Variants in DUSP8 observed in about 807,000 individuals in gnomAD.
DUSP8 encodes dual specificity phosphatase 8, also known as dual specificity protein phosphatase 8.
Under a neutral mutation model 38.7 loss-of-function variants are expected in DUSP8, and 15 were observed. The observed-to-expected ratio is 0.39, with a 90% CI of 0.26 to 0.60. The LOEUF is 0.60. DUSP8 is among the 20% of genes least tolerant of loss of function. The pLI is 0.56. For synonymous variants in DUSP8, 458 were observed against 433.9 expected, an observed-to-expected ratio of 1.06 and a Z score of -0.69; for missense variants, 768 against 915.0, an observed-to-expected ratio of 0.84 and a Z score of 2.07.
In DUSP8 at chr11:1,557,586, G is replaced by A. The variant is rs1418608084; in HGVS notation, c.822-12C>T. The stretch of plus-strand genomic sequence containing the variant: ...TGTCCTTCACGAACCTGCGGGGGAG[G>A]AGGCTCAGTCCCAGGCGCCCGCCGG... On this transcript the variant is annotated splice_polypyrimidine_tract_variant and intron_variant, in intron 6 of 6. Coordinates refer to ENST00000397374, the MANE Select transcript of DUSP8 (RefSeq NM_004420.3). The surrounding 1 kb of genome is among the most constrained non-coding windows in gnomAD (Gnocchi z 9.9). 45 of 1,556,142 alleles carry A rather than the reference G, an allele frequency of 2.9e-5. No individual in the cohort carries two copies. Among genetic ancestry groups the A allele is most frequent in the Admixed American group, 3.8e-5 (2 of 53,182 alleles).
Position 1,557,402 on chromosome 11 carries a change from G to T in DUSP8, c.994C>A (p.Leu332Met). 6.4e-7 allele frequency: 1 copy of T among 1,569,502 alleles called. No homozygotes were observed. The highest frequency in any genetic ancestry group is 8.6e-7 in the Non-Finnish European group (1 of 1,169,402). ...GCGCTCTCTGAGGTAGGTGGTGGCA[G>T]CCGTGGCAGCGGGGCCCCGGCGGCA... Reference protein sequence around the residue: ...SPAAGAPLPRLPPPTSESAAT... With the variant: ...SPAAGAPLPRMPPPTSESAAT... Residue 332 changes from leucine (L) to methionine (M), a missense_variant, in exon 7 of 7, where the codon CTG (leucine) becomes ATG (methionine). This residue lies in a region of DUSP8 where 474 missense variants were observed against 430.8 expected (regional missense o/e 1.10). Coordinates refer to ENST00000397374, the MANE Select transcript of DUSP8 (RefSeq NM_004420.3). This position sits in a 1 kb window ranked among gnomAD's most constrained non-coding sequence, Gnocchi z 9.9.
intron 1 of DUSP8, among the ~76,000 whole-genome samples, chr11:1,569,496 G>A (rs1310986787): frequency 6.6e-6 from 1 of 152,122 alleles, no homozygotes; most frequent in East Asian, 1.9e-4. Flanking sequence ...CGCGTGGGCT[G>A]GACATACACT....
At position 1,558,455 on chromosome 11, in the gene DUSP8, C is replaced by G. The variant is rs372124380; in HGVS notation, c.538-184G>C. Among the ~76,000 whole-genome samples, 4 of 151,248 alleles carry G rather than the reference C, an allele frequency of 2.6e-5. No individual in the cohort carries two copies. In the South Asian group the frequency reaches 8.7e-4, roughly 33 times the overall value. On this transcript the variant is annotated intron_variant, in intron 4 of 6. Transcript: ENST00000397374. The surrounding 1 kb of genome is among the most constrained non-coding windows in gnomAD (Gnocchi z 6.3). ...GGCCTCTCTGGTCCACCCTGGCACC[C>G]TGGGCCCGTGCGGGGGGTGGGGCAC...
Position 1,556,661 on chromosome 11 carries a change from G to C in DUSP8, c.1735C>G (p.Pro579Ala), listed in dbSNP as rs1488806193. 2 of 1,389,582 alleles carry C rather than the reference G, an allele frequency of 1.4e-6. No individual in the cohort carries two copies. The highest frequency in any genetic ancestry group is 1.5e-5 in the African/African-American group (1 of 67,334). 86.1% of individuals were successfully genotyped at this position (1,389,582 alleles called of 1,614,324 possible). The part of the protein sequence containing the change: ...ARTGWPEEPA[P>A]ETQFKRRSCQ... ...CTGCGGCGCTTGAACTGCGTCTCCG[G>C]GGCCGGCTCCTCGGGCCAGCCGGTC... The change falls in exon 7 of 7, where the codon CCG becomes GCG. Residue 579 changes from proline to alanine, a missense_variant. Physicochemically the swap from Pro to Ala is conservative, Grantham distance 27 (BLOSUM62 -1). This residue lies in a region of DUSP8 where 474 missense variants were observed against 430.8 expected (regional missense o/e 1.10). Coordinates refer to ENST00000397374, the MANE Select transcript of DUSP8 (RefSeq NM_004420.3). The surrounding 1 kb of genome is among the most constrained non-coding windows in gnomAD (Gnocchi z 5.2).
At chr11:1,562,734 C>T (rs1432430980) in intron 3 of DUSP8, among the ~76,000 whole-genome samples, 4 of 152,160 alleles carry the variant, frequency 2.6e-5, no homozygotes, top group African/African-American at 4.8e-5. Flanking sequence ...CGTACACACT[C>T]GCAGAGGCAG....
Position 1,557,004 on chromosome 11 carries a change from G to C in DUSP8, c.1392C>G (p.Pro464=). ...CGAGGCTGTGCGCGGGGGAGCGCGC[G>C]GGGGAGCCGGCGGGGGGCCGGGGCC... The part of the protein sequence containing the change: ...RRRPRPPAGS[P]ARSPAHSLGL... Residue 464 remains proline, a synonymous_variant, in exon 7 of 7, where the codon CCC becomes CCG. Transcript: ENST00000397374. The surrounding 1 kb of genome is among the most constrained non-coding windows in gnomAD (Gnocchi z 9.9). 9.8e-7 allele frequency: 1 copy of C among 1,020,904 alleles called. No homozygotes were observed. Among genetic ancestry groups the C allele is most frequent in the Non-Finnish European group, 1.2e-6 (1 of 855,726 alleles). 63.2% of individuals were successfully genotyped at this position (1,020,904 alleles called of 1,614,324 possible).
At chr11:1,565,205 T>C (rs1422096538) in intron 2 of DUSP8, among the ~76,000 whole-genome samples, 6 of 152,214 alleles carry the variant, frequency 3.9e-5, no homozygotes, top group Admixed American at 3.9e-4. Flanking sequence ...CTGTCCCGTG[T>C]AGGCCAGCTG....
Position 1,557,970 on chromosome 11 carries a change from C to T in DUSP8, c.698-53G>A. 1 of 1,612,110 alleles carries T rather than the reference C, an allele frequency of 6.2e-7. No homozygotes were observed. The highest frequency in any genetic ancestry group is 8.5e-7 in the Non-Finnish European group (1 of 1,179,014). On this transcript the variant is annotated intron_variant, in intron 5 of 6. Coordinates refer to ENST00000397374, the MANE Select transcript of DUSP8 (RefSeq NM_004420.3). This position sits in a 1 kb window ranked among gnomAD's most constrained non-coding sequence, Gnocchi z 9.9. The stretch of plus-strand genomic sequence containing the variant: ...TGAGGGCTAAGACTGCACAGCTTCT[C>T]CCTGGCCCAGGTAGGGGACCCCACC...
rs1848657979 is a variant in DUSP8 at position 1,557,699 on chromosome 11, G to A, written c.821+95C>T. ...CTCAGGCCCTCCTCCCTTGCCACGGGTCCTGGACGGTGGGGTCATTCTGGT... is the reference window on the plus strand; with the variant it reads ...CTCAGGCCCTCCTCCCTTGCCACGGATCCTGGACGGTGGGGTCATTCTGGT... On this transcript the variant is annotated intron_variant, in intron 6 of 6. Transcript: ENST00000397374. The surrounding 1 kb of genome is among the most constrained non-coding windows in gnomAD (Gnocchi z 9.9). 2.7e-5 allele frequency: 43 copies of A among 1,587,440 alleles called. No individual in the cohort carries two copies. Among genetic ancestry groups the A allele is most frequent in the Non-Finnish European group, 3.7e-5 (43 of 1,166,978 alleles).
Position 1,557,692 on chromosome 11 carries a change from G to A in DUSP8, c.821+102C>T, listed in dbSNP as rs1407980091. ...GGCTGGTCTCAGGCCCTCCTCCCTT[G>A]CCACGGGTCCTGGACGGTGGGGTCA... is the stretch of plus-strand genomic sequence containing the variant. On this transcript the variant is annotated intron_variant, in intron 6 of 6. Coordinates refer to ENST00000397374, the MANE Select transcript of DUSP8 (RefSeq NM_004420.3). The surrounding 1 kb of genome is among the most constrained non-coding windows in gnomAD (Gnocchi z 9.9). The A allele has an allele frequency of 1.9e-6, 3 of 1,574,058 alleles. No homozygotes were observed. The highest frequency in any genetic ancestry group is 2.6e-6 in the Non-Finnish European group (3 of 1,158,706).
At chr11:1,565,048 T>G (rs1848781205) in intron 2 of DUSP8, among the ~76,000 whole-genome samples, 1 of 152,172 alleles carries the variant, frequency 6.6e-6, no homozygotes, top group Non-Finnish European at 1.5e-5. Flanking sequence ...AGAAGGACAT[T>G]CCTGGGGGGC....
chr11:1,572,427 C>CGCGGGGGGGGGGGCGGGGTGCAGGGT (rs1848920658), upstream of DUSP8, among the ~76,000 whole-genome samples: 1 of 65,766 alleles, frequency 1.5e-5, no homozygotes, highest in Non-Finnish European at 3.1e-5. This position sits in a 1 kb window ranked among gnomAD's most constrained non-coding sequence, Gnocchi z 4.7. Flanking sequence ...AGGCGGCTGC[C>CGCGGGGGGGGGGGCGGGGTGCAGGGT]GCGGGGGGGG....
rs1026443743 is a variant in DUSP8, at chr11:1,557,978, C to T, written c.698-61G>A. 6.2e-6 allele frequency: 10 copies of T among 1,611,306 alleles called. No homozygotes were observed. The African/African-American group carries it at 9.3e-5, about 15-fold the overall frequency. On this transcript the variant is annotated intron_variant, in intron 5 of 6. Transcript: ENST00000397374. The surrounding 1 kb of genome is among the most constrained non-coding windows in gnomAD (Gnocchi z 9.9). ...AAGACTGCACAGCTTCTCCCTGGCC[C>T]AGGTAGGGGACCCCACCCGCCCAAC...
chr11:1,561,375 A>G (rs1312327655), intron 3 of DUSP8, among the ~76,000 whole-genome samples: 1 of 152,198 alleles, frequency 6.6e-6, no homozygotes, highest in Non-Finnish European at 1.5e-5. Context: ...TTATGGCCAC[A>G]GTCACAGACG....
chr11:1,555,107 C>T lies in DUSP8; in HGVS notation c.*1411G>A, dbSNP rs1848601739. ...AGCCCCTGGCCTCTTCCCACAGTGA[C>T]TGGCCCCACTCCTAGACCCTAGGAC... On this transcript the variant is annotated 3_prime_UTR_variant, in exon 7 of 7. Coordinates refer to ENST00000397374, the MANE Select transcript of DUSP8 (RefSeq NM_004420.3). 2 of 987,532 alleles carry T rather than the reference C, an allele frequency of 2.0e-6. No homozygotes were observed. Among genetic ancestry groups the T allele is most frequent in the Non-Finnish European group, 2.4e-6 (2 of 830,264 alleles). The allele number at this position is 987,532 out of a possible 1,614,324, so 61.2% of individuals were successfully genotyped here.
intron 1 of DUSP8, among the ~76,000 whole-genome samples, chr11:1,568,608 C>T (rs937895494): frequency 2.0e-5 from 3 of 152,262 alleles, no homozygotes; most frequent in East Asian, 1.9e-4. Flanking sequence ...AGAGTGGGCA[C>T]GCGCCCCTCC....
rs764523044 is a variant in DUSP8, at chr11:1,554,548, T to C, written c.*1970A>G. 5.5e-5 allele frequency: 40 copies of C among 728,906 alleles called. No individual in the cohort carries two copies. The highest frequency in any genetic ancestry group is 6.6e-5 in the Non-Finnish European group (39 of 593,330). The allele number at this position is 728,906 out of a possible 1,614,324, so 45.2% of individuals were successfully genotyped here. ...TTCGCCCCCCTGCTGGCTGCTCACT[T>C]TGCGGTAACCAGTGCCTCAAGAGTG... On this transcript the variant is annotated 3_prime_UTR_variant, in exon 7 of 7. Coordinates refer to ENST00000397374, the MANE Select transcript of DUSP8 (RefSeq NM_004420.3).
intron 1 of DUSP8, among the ~76,000 whole-genome samples, chr11:1,570,995 A>C (rs1590810204): frequency 3.1e-5 from 3 of 98,324 alleles, no homozygotes; most frequent in African/African-American, 8.1e-5. Flanking sequence ...ACATCCTGCC[A>C]CCCCCTCCTC....
chr11:1,556,160 G>T lies in DUSP8; in HGVS notation c.*358C>A. 5.2e-6 allele frequency: 1 copy of T among 193,572 alleles called. No individual in the cohort carries two copies. The highest frequency in any genetic ancestry group is 1.0e-5 in the Non-Finnish European group (1 of 95,646). 12.0% of individuals were successfully genotyped at this position (193,572 alleles called of 1,614,324 possible). ...TTTTTTTCCTTTTTTTCACCTTTTT[G>T]TTATGTAAAAAGTGCACGAAAGCTC... On this transcript the variant is annotated 3_prime_UTR_variant, in exon 7 of 7. Coordinates refer to ENST00000397374, the MANE Select transcript of DUSP8 (RefSeq NM_004420.3). This position sits in a 1 kb window ranked among gnomAD's most constrained non-coding sequence, Gnocchi z 5.2.
Sources: allele counts gnomAD v4.1 joint callset (sites outside exome capture counted in the v4.1 genomes callset), GRCh38; gene constraint gnomAD v4.1.1; regional missense constraint gnomAD v4.1.1; non-coding constraint Gnocchi (gnomAD v3.1); transcripts MANE v1.5; gene names NCBI Gene and HGNC (gene_info 2026-07-23, HGNC 2026-07-21).